The following NLGN1 variants were observed in gnomAD, a reference collection of about 807,000 sequenced individuals.
NLGN1 encodes neuroligin-1.
A neutral mutation model predicts 65.5 loss-of-function variants in NLGN1; 12 were observed. That is an observed-to-expected ratio of 0.18 (90% CI 0.12 to 0.30). NLGN1 has a LOEUF of 0.30. Ranked by LOEUF, NLGN1 falls within the 10% of genes least tolerant of loss-of-function variation. NLGN1 has a pLI of 1.00. For synonymous variants in NLGN1, 350 were observed against 359.5 expected, an observed-to-expected ratio of 0.97 and a Z score of 0.30; for missense variants, 750 against 1,007.1, an observed-to-expected ratio of 0.74 and a Z score of 3.46.
chr3:173,561,572 A>C (rs892684691), intron 2 of NLGN1, among the ~76,000 whole-genome samples: 13 of 152,332 alleles, frequency 8.5e-5, no homozygotes, highest in Admixed American at 6.5e-4. Context: ...ACATAATGGC[A>C]AAAATTAAAT....
chr3:173,729,592 T>A (rs116362052), intron 3 of NLGN1, among the ~76,000 whole-genome samples: 1 of 152,138 alleles, frequency 6.6e-6, no homozygotes, highest in Non-Finnish European at 1.5e-5. Context: ...TCTTAATTTA[T>A]TATAATGCCT....
intron 4 of NLGN1, among the ~76,000 whole-genome samples, chr3:173,856,666 A>G (rs558356311): frequency 7.2e-5 from 11 of 152,198 alleles, no homozygotes; most frequent in South Asian, 6.2e-4. Flanking sequence ...AAGGTTGATG[A>G]TCTTTCCTAG....
At chr3:173,450,288 T>C (rs1197253239) in intron 2 of NLGN1, among the ~76,000 whole-genome samples, 1 of 152,194 alleles carries the variant, frequency 6.6e-6, no homozygotes, top group Non-Finnish European at 1.5e-5. Context: ...CATTTGCTTG[T>C]CTGTAAAGTA....
At chr3:173,993,770 GTA>G (rs575180991) in intron 4 of NLGN1, among the ~76,000 whole-genome samples, 2 of 151,134 alleles carry the variant, frequency 1.3e-5, no homozygotes, top group African/African-American at 2.4e-5. Flanking sequence ...TATAGTGTGT[GTA>G]TATATATATA....
chr3:173,885,839 A>G (rs1295459297), intron 4 of NLGN1, among the ~76,000 whole-genome samples: 2 of 152,114 alleles, frequency 1.3e-5, no homozygotes, highest in African/African-American at 4.8e-5. Flanking sequence ...TCATTACTTA[A>G]TGGATTCATA....
At chr3:174,133,207 G>A (rs938137170) in intron 4 of NLGN1, among the ~76,000 whole-genome samples, 3 of 152,170 alleles carry the variant, frequency 2.0e-5, no homozygotes, top group Non-Finnish European at 4.4e-5. Context: ...AGGAAGGGGA[G>A]AAATGTAAAA....
At chr3:174,223,508 T>A (rs1349908122) in intron 4 of NLGN1, among the ~76,000 whole-genome samples, 1 of 152,126 alleles carries the variant, frequency 6.6e-6, no homozygotes, top group African/African-American at 2.4e-5. Context: ...ATTTATTTCC[T>A]TCTCACTTTT....
chr3:173,974,849 T>G (rs886609890), intron 4 of NLGN1, among the ~76,000 whole-genome samples: 1 of 152,096 alleles, frequency 6.6e-6, no homozygotes, highest in African/African-American at 2.4e-5. Flanking sequence ...TTGTCTTATT[T>G]CCTAGATGGA....
chr3:173,529,269 C>T (rs1736151228), intron 2 of NLGN1, among the ~76,000 whole-genome samples: 2 of 152,116 alleles, frequency 1.3e-5, no homozygotes, highest in Admixed American at 1.3e-4. Context: ...GTAGGTGGCA[C>T]TTCCGGGTAA....
At chr3:173,695,391 C>A (rs186581536) in intron 3 of NLGN1, among the ~76,000 whole-genome samples, 2 of 151,972 alleles carry the variant, frequency 1.3e-5, no homozygotes, top group East Asian at 3.9e-4. Flanking sequence ...AATTAGGTTT[C>A]CAGACTGATC....
At chr3:174,281,318 C>CAAACT (rs1214992589) in exon 7 of NLGN1, 1 of 1,553,070 alleles carries the variant, frequency 6.4e-7, no homozygotes, top group African/African-American at 1.4e-5. Context: ...ATAAGAGAAA[C>CAAACT]AAACTATTTT....
intron 2 of NLGN1, among the ~76,000 whole-genome samples, chr3:173,516,121 T>C (rs1047355072): frequency 2.0e-5 from 3 of 152,088 alleles, no homozygotes; most frequent in Admixed American, 6.6e-5. Context: ...GAATGTACCA[T>C]CTTGGGTGCT....
rs139741596 is a variant in NLGN1 at position 174,032,473 on chromosome 3, C to T, written c.646+224641C>T. Among the ~76,000 whole-genome samples, 508 of 152,264 alleles carry T rather than the reference C, an allele frequency of 3.3e-3. 9 individuals carry two copies. In the South Asian group the frequency reaches 0.038, roughly 11 times the overall value. ...AAGCTTGTTGTACAAAATGTGCTCC[C>T]TGAGGCAGTAGCATTGGCATCACTG... On this transcript the variant is annotated intron_variant, in intron 4 of 6. Transcript: ENST00000457714.
intron 2 of NLGN1, among the ~76,000 whole-genome samples, chr3:173,547,371 G>C (rs1027997394): frequency 6.6e-6 from 1 of 152,112 alleles, no homozygotes; most frequent in Non-Finnish European, 1.5e-5. Flanking sequence ...AAAGGAAATA[G>C]TTTCCACACT....
chr3:174,288,973 C>T (rs548982138), downstream of NLGN1, among the ~76,000 whole-genome samples: 61 of 151,470 alleles, frequency 4.0e-4, no homozygotes, highest in Non-Finnish European at 7.8e-4. Context: ...ATATTAAATA[C>T]TATTAAATTC....
At chr3:174,183,332 A>T (rs1730791497) in intron 4 of NLGN1, among the ~76,000 whole-genome samples, 1 of 152,004 alleles carries the variant, frequency 6.6e-6, no homozygotes, top group South Asian at 2.1e-4. Flanking sequence ...TGATTTCAGT[A>T]CTCCCAAGAG....
chr3:174,119,651 T>C (rs1481432274), intron 4 of NLGN1, among the ~76,000 whole-genome samples: 1 of 152,234 alleles, frequency 6.6e-6, no homozygotes, highest in African/African-American at 2.4e-5. Flanking sequence ...ACAGTATTAC[T>C]ATACAACTTA....
chr3:174,180,938 T>C (rs1234671419), intron 4 of NLGN1: 1 of 152,106 alleles, frequency 6.6e-6, no homozygotes, highest in African/African-American at 2.4e-5. Flanking sequence ...AAATCAGTTT[T>C]GAAAGATTAT....
intron 4 of NLGN1, among the ~76,000 whole-genome samples, chr3:173,841,171 A>G (rs1724712980): frequency 6.6e-6 from 1 of 151,850 alleles, no homozygotes; most frequent in South Asian, 2.1e-4. Context: ...ATCCCAAATC[A>G]AATACTAGTC....
Sources: allele counts gnomAD v4.1 joint callset (sites outside exome capture counted in the v4.1 genomes callset), GRCh38; gene constraint gnomAD v4.1.1; transcripts MANE v1.5; gene names NCBI Gene and HGNC (gene_info 2026-07-23, HGNC 2026-07-21).